The following SLC22A11 variants were observed in gnomAD, a reference collection of about 807,000 sequenced individuals.
The protein encoded by SLC22A11 is organic anion transporter 4.
Under a neutral mutation model 49.4 loss-of-function variants are expected in SLC22A11, and 42 were observed. The ratio of observed to expected loss-of-function variants is 0.85; its 90% CI spans 0.66 to 1.10. The LOEUF (loss-of-function observed/expected upper bound fraction) is 1.10. SLC22A11 is among the 50% of genes least tolerant of loss of function. SLC22A11 has a pLI of 0.00. For missense variants in SLC22A11, 685 were observed against 731.6 expected (o/e 0.94, Z 0.74); for synonymous variants, 304 against 315.8 (o/e 0.96, Z 0.40).
intron 8 of SLC22A11, 116 bp from the exon 9 acceptor site, chr11:64,569,536 G>A: frequency 1.8e-6 from 2 of 1,097,920 alleles, no homozygotes; most frequent in Non-Finnish European, 2.6e-6. Flanking sequence ...AGGAGGCCTT[G>A]AGGAGGGCAA....
In SLC22A11 at chr11:64,565,438, CA is replaced by C. The variant is rs1167997170; in HGVS notation, c.1058+102del. 3.3e-5 allele frequency: 32 copies of C among 970,934 alleles called. No homozygotes were observed. Among genetic ancestry groups the C allele is most frequent in the Admixed American group, 3.0e-4 (15 of 50,092 alleles). 60.1% of individuals were successfully genotyped at this position (970,934 alleles called of 1,614,324 possible). A position where few individuals can be genotyped will look rare whatever the true frequency, so the allele number is the denominator to read the frequency against. ...GAGCGTCCAGGGGAAACAGCACCCG[CA>C]GGCCTCAAGGGGGTGCATTTCTGTC... On this transcript the variant is annotated intron_variant, in intron 6 of 9. Transcript: ENST00000301891. This position sits in a 1 kb window ranked among gnomAD's most constrained non-coding sequence, Gnocchi z 4.1.
At chr11:64,557,668 GT>G (rs2038482066) in intron 1 of SLC22A11, among the ~76,000 whole-genome samples, 2 of 121,814 alleles carry the variant, frequency 1.6e-5, no homozygotes, top group Non-Finnish European at 3.2e-5. Flanking sequence ...GTCTCACTCT[GT>G]CACCCAGGCT....
chr11:64,569,556 C>G, intron 8 of SLC22A11, 96 bp from the exon 9 acceptor site: 5 of 1,335,582 alleles, frequency 3.7e-6, no homozygotes, highest in Non-Finnish European at 5.2e-6. Flanking sequence ...ATTCCCTCAG[C>G]CCAGCTTTCC....
In SLC22A11 at chr11:64,562,580, GACAT is replaced by G; in HGVS notation, c.821+146_821+149del. On this transcript the variant is annotated intron_variant, in intron 4 of 9. Coordinates refer to ENST00000301891, the MANE Select transcript of SLC22A11 (RefSeq NM_018484.4). The surrounding 1 kb of genome is among the most constrained non-coding windows in gnomAD (Gnocchi z 4.4). ...ATGAGCGGCACCCTCGCTAGGGAGG[GACAT>G]TGGTGATTGGCAGTCCTGGGCTAAG... is the stretch of plus-strand genomic sequence containing the variant. The G allele has an allele frequency of 2.3e-6, 2 of 888,740 alleles. No individual in the cohort carries two copies. Among genetic ancestry groups the G allele is most frequent in the Non-Finnish European group, 3.3e-6 (2 of 611,486 alleles). The allele number at this position is 888,740 out of a possible 1,614,324, so 55.1% of individuals were successfully genotyped here. A position where few individuals can be genotyped will look rare whatever the true frequency, so the allele number is the denominator to read the frequency against.
At chr11:64,569,958 G>T in intron 9 of SLC22A11, 100 bp downstream of exon 9, 1 of 1,064,786 alleles carries the variant, frequency 9.4e-7, no homozygotes. Flanking sequence ...AGAGTACCAA[G>T]GCCTGTGTTT....
At chr11:64,559,264 C>T in intron 2 of SLC22A11, 26 bp downstream of exon 2, 1 of 1,488,498 alleles carries the variant, frequency 6.7e-7, no homozygotes, top group Non-Finnish European at 9.1e-7. Context: ...CCTCCCAGCC[C>T]CCAGCTCCCT....
Position 64,556,402 on chromosome 11 carries a change from C to A in SLC22A11, c.393+10C>A, listed in dbSNP as rs1199860116. 2 of 1,608,502 alleles carry A rather than the reference C, an allele frequency of 1.2e-6. No homozygotes were observed. The highest frequency in any genetic ancestry group is 1.7e-6 in the Non-Finnish European group (2 of 1,179,844). On this transcript the variant is annotated intron_variant, in intron 1 of 9. Coordinates refer to ENST00000301891, the MANE Select transcript of SLC22A11 (RefSeq NM_018484.4). ...CACCATCGTGGCCAAGGTAGGGCCTCCCCCAGAGCCACTCGAGTCCCGTCA... is the reference window on the plus strand; with the variant it reads ...CACCATCGTGGCCAAGGTAGGGCCTACCCCAGAGCCACTCGAGTCCCGTCA...
chr11:64,561,699 T>C lies in SLC22A11; in HGVS notation c.498-305T>C, dbSNP rs556688280. ...GTTGCCCAGGCTGGTCTTGAACTCC[T>C]GGCCTAAAGTGATCCTCCAGCCTCA... On this transcript the variant is annotated intron_variant, in intron 2 of 9. Transcript: ENST00000301891. Among the ~76,000 whole-genome samples, 4 of 152,092 alleles carry C rather than the reference T, an allele frequency of 2.6e-5. No individual in the cohort carries two copies. The South Asian group carries it at 8.3e-4, about 32-fold the overall frequency.
chr11:64,568,038 G>A (rs1308519119), intron 7 of SLC22A11, among the ~76,000 whole-genome samples: 7 of 152,264 alleles, frequency 4.6e-5, no homozygotes, highest in Non-Finnish European at 7.3e-5. Context: ...TGCGGTGGCG[G>A]CAGAGCCGGG....
At chr11:64,556,715 G>A (rs766852533) in intron 1 of SLC22A11, among the ~76,000 whole-genome samples, 2 of 152,122 alleles carry the variant, frequency 1.3e-5, no homozygotes, top group Non-Finnish European at 2.9e-5. Context: ...GGGAAATCAG[G>A]GGTAAGGGGG....
In SLC22A11 at chr11:64,565,615, C is replaced by G. The variant is rs2038614694; in HGVS notation, c.1058+278C>G. The G allele has an allele frequency of 1.9e-6, 1 of 531,432 alleles. No homozygotes were observed. Among genetic ancestry groups the G allele is most frequent in the East Asian group, 4.7e-5 (1 of 21,118 alleles). The allele number at this position is 531,432 out of a possible 1,614,324, so 32.9% of individuals were successfully genotyped here. A position where few individuals can be genotyped will look rare whatever the true frequency, so the allele number is the denominator to read the frequency against. ...GGGGTCCCAGGGTCCCAGGGAGGTCCCAAGACAGAGGCAGAGCCAGGGTCC... is the reference window on the plus strand; with the variant it reads ...GGGGTCCCAGGGTCCCAGGGAGGTCGCAAGACAGAGGCAGAGCCAGGGTCC... On this transcript the variant is annotated intron_variant, in intron 6 of 9. Transcript: ENST00000301891. This position sits in a 1 kb window ranked among gnomAD's most constrained non-coding sequence, Gnocchi z 4.1.
chr11:64,565,382 C>A lies in SLC22A11; in HGVS notation c.1058+45C>A, dbSNP rs1372483386. 32 of 1,490,258 alleles carry A rather than the reference C, an allele frequency of 2.1e-5. No homozygotes were observed. The highest frequency in any genetic ancestry group is 2.9e-5 in the Non-Finnish European group (32 of 1,100,250). 92.3% of individuals were successfully genotyped at this position (1,490,258 alleles called of 1,614,324 possible). A position where few individuals can be genotyped will look rare whatever the true frequency, so the allele number is the denominator to read the frequency against. ...CTCCCCAAGGCAGGGCTGGGACAGG[C>A]AGGAGGCAGAGCTGGGACAGGCAGG... On this transcript the variant is annotated intron_variant, in intron 6 of 9. Coordinates refer to ENST00000301891, the MANE Select transcript of SLC22A11 (RefSeq NM_018484.4). The surrounding 1 kb of genome is among the most constrained non-coding windows in gnomAD (Gnocchi z 4.1).
At chr11:64,561,602 AATTTATTTATTTATTTATTTATTT>A (rs35789932) in intron 2 of SLC22A11, among the ~76,000 whole-genome samples, 7 of 144,862 alleles carry the variant, frequency 4.8e-5, no homozygotes, top group Non-Finnish European at 7.5e-5. Context: ...ACACCTGGCT[AATTTATTTATTTATTTATTTATTT>A]ATTTATTTAT....
Position 64,571,224 on chromosome 11 carries a change from ACTC to A in SLC22A11, c.*186_*188del. On this transcript the variant is annotated 3_prime_UTR_variant, in exon 10 of 10. Coordinates refer to ENST00000301891, the MANE Select transcript of SLC22A11 (RefSeq NM_018484.4). ...TGGCTGAAGGCAGCTTCCACAGCTC[ACTC>A]CTCTTCTCCCTGCCCTGATCAGATT... The A allele has an allele frequency of 1.6e-6, 1 of 627,108 alleles. No individual in the cohort carries two copies. The highest frequency in any genetic ancestry group is 2.8e-5 in the Admixed American group (1 of 35,890). 38.8% of individuals were successfully genotyped at this position (627,108 alleles called of 1,614,324 possible). A position where few individuals can be genotyped will look rare whatever the true frequency, so the allele number is the denominator to read the frequency against.
Position 64,564,218 on chromosome 11 carries a change from G to A in SLC22A11, c.822-90G>A, listed in dbSNP as rs2038590837. ...ATGTGCTTCCTCATCACTCATCTCA[G>A]CTGGAGGGTCCGTGCCCACTGCCCC... On this transcript the variant is annotated intron_variant, in intron 4 of 9. Coordinates refer to ENST00000301891, the MANE Select transcript of SLC22A11 (RefSeq NM_018484.4). The surrounding 1 kb of genome is among the most constrained non-coding windows in gnomAD (Gnocchi z 4.2). 8 of 1,524,658 alleles carry A rather than the reference G, an allele frequency of 5.2e-6. No homozygotes were observed. Among genetic ancestry groups the A allele is most frequent in the Admixed American group, 1.8e-5 (1 of 55,392 alleles). 94.4% of individuals were successfully genotyped at this position (1,524,658 alleles called of 1,614,324 possible). A position where few individuals can be genotyped will look rare whatever the true frequency, so the allele number is the denominator to read the frequency against.
chr11:64,558,768 G>A (rs979888721), intron 1 of SLC22A11, among the ~76,000 whole-genome samples: 1 of 152,154 alleles, frequency 6.6e-6, no homozygotes, highest in African/African-American at 2.4e-5. Context: ...CCACTGCCAG[G>A]TACTGCCAGA....
intron 6 of SLC22A11, chr11:64,566,501 A>G (rs2038628266): frequency 1.3e-5 from 2 of 150,644 alleles, no homozygotes; most frequent in African/African-American, 4.9e-5. Flanking sequence ...AAAAAAAAAA[A>G]CCTTCCAGGA....
At chr11:64,558,856 C>G (rs983204136) in intron 1 of SLC22A11, among the ~76,000 whole-genome samples, 9 of 152,198 alleles carry the variant, frequency 5.9e-5, no homozygotes, top group Non-Finnish European at 8.8e-5. Flanking sequence ...CCCTTCAAGG[C>G]CCTGCTGCCT....
At chr11:64,560,440 C>T (rs2038527658) in intron 2 of SLC22A11, among the ~76,000 whole-genome samples, 1 of 152,186 alleles carries the variant, frequency 6.6e-6, no homozygotes, top group African/African-American at 2.4e-5. Flanking sequence ...CTGCGCTGGG[C>T]TTCCATCCAC....
Sources: gnomAD v4.1 joint callset for allele counts (sites outside exome capture counted in the v4.1 genomes callset) on GRCh38, gnomAD v4.1.1 for gene constraint, Gnocchi (gnomAD v3.1) non-coding constraint, MANE v1.5 for transcripts, NCBI Gene and HGNC (gene_info 2026-07-23, HGNC 2026-07-21) for gene names.